The following GPHN variants were observed in gnomAD, a reference collection of about 807,000 sequenced individuals.
The protein encoded by GPHN is gephyrin.
Under a neutral mutation model 95.5 loss-of-function variants are expected in GPHN, and 17 were observed. The ratio of observed to expected loss-of-function variants is 0.18; its 90% CI spans 0.12 to 0.27. The LOEUF (loss-of-function observed/expected upper bound fraction) is 0.27. Among genes scored for constraint, GPHN ranks in the 10% least tolerant of loss-of-function variants. GPHN has a pLI of 1.00. For missense variants in GPHN, 660 were observed against 978.1 expected (o/e 0.67, Z 4.34); for synonymous variants, 320 against 322.5 (o/e 0.99, Z 0.08).
chr14:67,310,334 GTTATC>G, the GPHN span, among the ~76,000 whole-genome samples: 4 of 152,102 alleles, frequency 2.6e-5, no homozygotes, highest in East Asian at 1.9e-4. Context: ...AATTTGGTGT[GTTATC>G]TTAACTATAT....
the GPHN span, among the ~76,000 whole-genome samples, chr14:67,363,397 G>A: frequency 5.3e-5 from 8 of 151,974 alleles, no homozygotes; most frequent in Non-Finnish European, 7.4e-5. Context: ...AAACAGATGA[G>A]TACTAATAGT....
the GPHN span, chr14:67,189,664 T>C: frequency 6.6e-6 from 1 of 152,002 alleles, no homozygotes; most frequent in African/African-American, 2.4e-5. Flanking sequence ...GGGCAGAATG[T>C]CTATTTTTTT....
At chr14:66,686,936 A>G (rs1041281980) in intron 2 of GPHN, among the ~76,000 whole-genome samples, 52 of 152,130 alleles carry the variant, frequency 3.4e-4, no homozygotes, top group Non-Finnish European at 6.6e-4. Flanking sequence ...TCAATACCTA[A>G]TTTGTTGAGA....
the GPHN span, among the ~76,000 whole-genome samples, chr14:67,210,014 A>G: frequency 6.6e-6 from 1 of 152,162 alleles, no homozygotes; most frequent in African/African-American, 2.4e-5. Flanking sequence ...AGCAATTACC[A>G]GTTAGCTTTT....
chr14:66,593,314 A>C (rs1188585763), intron 1 of GPHN, among the ~76,000 whole-genome samples: 2 of 152,068 alleles, frequency 1.3e-5, no homozygotes, highest in African/African-American at 4.8e-5. Flanking sequence ...AAAAAAAAAA[A>C]ACAAACAACT....
chr14:67,451,354 G>C, the GPHN span, among the ~76,000 whole-genome samples: 1 of 152,202 alleles, frequency 6.6e-6, no homozygotes, highest in African/African-American at 2.4e-5. Flanking sequence ...CCAGGCCCCA[G>C]AATGGTAGAT....
intron 1 of GPHN, among the ~76,000 whole-genome samples, chr14:66,616,095 AT>A (rs2063010673): frequency 1.3e-5 from 2 of 151,860 alleles, no homozygotes; most frequent in South Asian, 4.2e-4. Context: ...TACCAGTACC[AT>A]GCTGTTTTGA....
chr14:66,914,054 A>G (rs1045692291), intron 5 of GPHN, among the ~76,000 whole-genome samples: 2 of 146,768 alleles, frequency 1.4e-5, no homozygotes, highest in Non-Finnish European at 3.0e-5. Context: ...ACAAAATAGT[A>G]AAAAAAAAAA....
At chr14:67,567,638 G>A in the GPHN span, among the ~76,000 whole-genome samples, 3 of 152,110 alleles carry the variant, frequency 2.0e-5, no homozygotes, top group South Asian at 2.1e-4. Context: ...TGATCTCAGC[G>A]TCTCATGGCA....
the GPHN span, chr14:67,645,904 A>T: frequency 2.3e-6 from 3 of 1,315,240 alleles, no homozygotes; most frequent in Non-Finnish European, 3.2e-6. Flanking sequence ...TTGAGTGTGG[A>T]TTACCACTCC....
chr14:67,055,227 A>G (rs1035631569), intron 10 of GPHN, among the ~76,000 whole-genome samples: 2 of 151,992 alleles, frequency 1.3e-5, no homozygotes, highest in Non-Finnish European at 2.9e-5. Flanking sequence ...TCTACAAGAA[A>G]AAAATAACCC....
intron 11 of GPHN, among the ~76,000 whole-genome samples, chr14:67,071,067 T>C (rs927810893): frequency 1.3e-5 from 2 of 152,088 alleles, no homozygotes; most frequent in African/African-American, 2.4e-5. Context: ...TTGTGGAAGA[T>C]AGTGTGGCAA....
chr14:66,517,956 A>G (rs1367178251), intron 1 of GPHN, among the ~76,000 whole-genome samples: 2 of 152,110 alleles, frequency 1.3e-5, no homozygotes, highest in Admixed American at 6.6e-5. Flanking sequence ...ATAGTAAACT[A>G]AAAAGCTTTT....
the GPHN span, among the ~76,000 whole-genome samples, chr14:67,681,833 T>G: frequency 6.6e-6 from 1 of 152,176 alleles, no homozygotes; most frequent in Non-Finnish European, 1.5e-5. Context: ...GCTACAACTA[T>G]AAGACTATTA....
intron 1 of GPHN, among the ~76,000 whole-genome samples, chr14:66,542,342 C>T (rs538055824): frequency 6.0e-4 from 92 of 152,260 alleles, no homozygotes; most frequent in African/African-American, 2.1e-3. Context: ...AATGTTTTCT[C>T]TCATCAGACC....
the GPHN span, among the ~76,000 whole-genome samples, chr14:67,489,592 C>T: frequency 2.0e-5 from 3 of 152,298 alleles, no homozygotes; most frequent in African/African-American, 7.2e-5. Context: ...GCTCCCTCCT[C>T]ACTCCTTTGC....
the GPHN span, among the ~76,000 whole-genome samples, chr14:67,552,505 C>T: frequency 9.2e-5 from 14 of 152,320 alleles, no homozygotes; most frequent in East Asian, 3.9e-4. Context: ...CGGTGGCTCA[C>T]GCCTGTAATT....
chr14:66,754,482 T>C (rs2058489690), intron 2 of GPHN, among the ~76,000 whole-genome samples: 1 of 151,960 alleles, frequency 6.6e-6, no homozygotes, highest in Non-Finnish European at 1.5e-5. Flanking sequence ...CTTCTCTCTA[T>C]AGTGAGTCAT....
At chr14:66,661,043 T>C (rs551745015) in intron 1 of GPHN, among the ~76,000 whole-genome samples, 4 of 152,312 alleles carry the variant, frequency 2.6e-5, no homozygotes, top group East Asian at 1.9e-4. Flanking sequence ...CCGGGAACTT[T>C]ACATACTCTG....
Sources: allele counts gnomAD v4.1 joint callset (sites outside exome capture counted in the v4.1 genomes callset), GRCh38; gene constraint gnomAD v4.1.1; transcripts MANE v1.5; gene names NCBI Gene and HGNC (gene_info 2026-07-23, HGNC 2026-07-21).